Variants in SNTG2 observed in about 807,000 individuals in gnomAD.
The protein encoded by SNTG2 is gamma-2-syntrophin.
A neutral mutation model predicts 70.9 loss-of-function variants in SNTG2; 74 were observed. That is an observed-to-expected ratio of 1.04 (90% confidence interval 0.86 to 1.27). SNTG2 has a LOEUF of 1.27. Ranked by LOEUF, SNTG2 falls within the 50% of genes most tolerant of loss-of-function variation. The probability of loss-of-function intolerance (pLI) is 0.00; values close to 1 mark genes in which losing one functional copy is unlikely to be tolerated. For synonymous variants in SNTG2, 278 were observed against 273.8 expected (o/e 1.02, Z -0.15); for missense variants, 717 against 690.7 (o/e 1.04, Z -0.43).
chr2:1,078,329 T>C (rs1267825195), intron 1 of SNTG2, among the ~76,000 whole-genome samples: 1 of 152,152 alleles, frequency 6.6e-6, no homozygotes, highest in African/African-American at 2.4e-5. Context: ...GGAAGAGGTA[T>C]GAAGAGCAGT....
rs1380497779 is a variant in SNTG2, at chr2:1,367,436, A to G, written c.1582A>G (p.Ser528Gly). Residue 528 changes from serine to glycine, a missense_variant, in exon 17 of 17, where the codon AGT becomes GGT. Transcript: ENST00000308624. ...VASVDPGFMD[S>G]QSLARKYMYS... is the part of the protein sequence containing the mutation. The stretch of plus-strand genomic sequence containing the variant: ...CTCCGTGGACCCCGGCTTCATGGAC[A>G]GTCAGAGTCTTGCCAGAAAATACAT... 3 of 1,551,632 alleles carry G rather than the reference A, an allele frequency of 1.9e-6. No individual in the cohort carries two copies. Among genetic ancestry groups the G allele is most frequent in the Admixed American group, 3.9e-5 (2 of 50,980 alleles).
intron 1 of SNTG2, among the ~76,000 whole-genome samples, chr2:983,049 TGG>T (rs1661167096): frequency 1.3e-5 from 2 of 149,006 alleles, no homozygotes; most frequent in South Asian, 4.3e-4. Flanking sequence ...GCTGCAGAGG[TGG>T]TGTCAGGATG....
chr2:1,252,894 C>T (rs1311399127), intron 12 of SNTG2, among the ~76,000 whole-genome samples: 1 of 152,194 alleles, frequency 6.6e-6, no homozygotes, highest in African/African-American at 2.4e-5. Flanking sequence ...AATAAATTTA[C>T]ATCTAAATAT....
At chr2:1,338,007 A>C (rs185044239) in intron 16 of SNTG2, among the ~76,000 whole-genome samples, 2 of 152,148 alleles carry the variant, frequency 1.3e-5, no homozygotes, top group African/African-American at 4.8e-5. Flanking sequence ...ACAGACTTAC[A>C]TGGCACCACA....
intron 14 of SNTG2, among the ~76,000 whole-genome samples, chr2:1,282,630 C>A (rs1204769819): frequency 6.6e-6 from 1 of 151,936 alleles, no homozygotes; most frequent in African/African-American, 2.4e-5. Context: ...AACGCCGCCT[C>A]CCCCGCACAG....
intron 14 of SNTG2, among the ~76,000 whole-genome samples, chr2:1,269,869 C>G (rs1678928459): frequency 6.6e-6 from 1 of 152,164 alleles, no homozygotes; most frequent in Non-Finnish European, 1.5e-5. Context: ...CCTGCAGAGA[C>G]TGTAAGTGGG....
At chr2:1,263,819 A>G (rs761365286) in intron 13 of SNTG2, among the ~76,000 whole-genome samples, 1 of 152,234 alleles carries the variant, frequency 6.6e-6, no homozygotes, top group Non-Finnish European at 1.5e-5. Context: ...TCACAGCTCA[A>G]AAGTGGAGGC....
At chr2:1,167,980 A>G (rs1334344182) in intron 7 of SNTG2, among the ~76,000 whole-genome samples, 1 of 127,428 alleles carries the variant, frequency 7.8e-6, no homozygotes, top group Non-Finnish European at 1.7e-5. Flanking sequence ...GCAGAACTGA[A>G]GCCTACAGGC....
intron 9 of SNTG2, among the ~76,000 whole-genome samples, chr2:1,216,927 CTCT>C (rs1432400959): frequency 2.0e-5 from 3 of 152,120 alleles, no homozygotes. Flanking sequence ...TCACTCCTCA[CTCT>C]TCTCTCTCCT....
At chr2:1,004,364 A>G (rs995618508) in intron 1 of SNTG2, among the ~76,000 whole-genome samples, 6 of 152,362 alleles carry the variant, frequency 3.9e-5, no homozygotes, top group African/African-American at 1.4e-4. Context: ...TGCAAAAGAC[A>G]TTGTTAAGAT....
rs889533221 is a variant in SNTG2, at chr2:1,356,362, G to T, written c.1489-10981G>T. Among the ~76,000 whole-genome samples the T allele has an allele frequency of 3.9e-5, 6 of 152,138 alleles. No individual in the cohort carries two copies. In the East Asian group the frequency reaches 1.2e-3, roughly 29 times the overall value. On this transcript the variant is annotated intron_variant, in intron 16 of 16. Transcript: ENST00000308624. ...TAATCTATTTTGAGTTGATTTTTCT[G>T]TATGGTGTAAGATAAAGGTCCAATT...
Position 1,360,017 on chromosome 2 carries a change from T to G in SNTG2, c.1489-7326T>G, listed in dbSNP as rs149164394. Among the ~76,000 whole-genome samples, 1,281 of 150,456 alleles carry G rather than the reference T, an allele frequency of 8.5e-3. 17 individuals are homozygous for G. Among genetic ancestry groups the G allele is most frequent in the African/African-American group, 0.029 (1,204 of 40,986 alleles). On this transcript the variant is annotated intron_variant, in intron 16 of 16. Transcript: ENST00000308624. ...GTTATTTATCTTCATTTCTTTACAT[T>G]TAAGGGCACTGAACAAATTCTATCC...
chr2:1,006,808 C>G (rs149918563), intron 1 of SNTG2, among the ~76,000 whole-genome samples: 2 of 152,138 alleles, frequency 1.3e-5, no homozygotes, highest in Non-Finnish European at 2.9e-5. Context: ...GGTGGATCAC[C>G]TGAGGTCAGA....
At chr2:1,072,471 T>C (rs1663642075) in intron 1 of SNTG2, among the ~76,000 whole-genome samples, 2 of 151,000 alleles carry the variant, frequency 1.3e-5, no homozygotes, top group Non-Finnish European at 2.9e-5. Flanking sequence ...CTGTTGACAG[T>C]GTGGTTGACT....
At chr2:993,588 G>A (rs901575144) in intron 1 of SNTG2, among the ~76,000 whole-genome samples, 14 of 152,080 alleles carry the variant, frequency 9.2e-5, no homozygotes, top group Admixed American at 2.0e-4. Flanking sequence ...AAAATCAGTA[G>A]TGTCTCTGAT....
chr2:1,272,684 AGGACACCCCAGGGAGCG>A (rs1679095702), intron 14 of SNTG2, among the ~76,000 whole-genome samples: 1 of 112,562 alleles, frequency 8.9e-6, no homozygotes, highest in African/African-American at 3.7e-5. Flanking sequence ...GGGTGTAGAA[AGGACACCCCAGGGAGCG>A]GGTGCAGAAA....
At chr2:1,023,187 G>T (rs1256496335) in intron 1 of SNTG2, among the ~76,000 whole-genome samples, 2 of 151,754 alleles carry the variant, frequency 1.3e-5, no homozygotes, top group Admixed American at 6.6e-5. Flanking sequence ...CTTGAGGAGA[G>T]AATTAGTCTG....
At chr2:1,196,015 T>C (rs1362132813) in intron 8 of SNTG2, among the ~76,000 whole-genome samples, 1 of 151,900 alleles carries the variant, frequency 6.6e-6, no homozygotes, top group Non-Finnish European at 1.5e-5. Flanking sequence ...GTTTGGAATC[T>C]TTTTTTTGTG....
chr2:1,198,748 A>G (rs765667227), intron 8 of SNTG2, among the ~76,000 whole-genome samples: 9 of 152,140 alleles, frequency 5.9e-5, no homozygotes, highest in East Asian at 5.8e-4. Context: ...ATCAGAGACT[A>G]TTAACCACTA....
Sources: allele counts gnomAD v4.1 joint callset (sites outside exome capture counted in the v4.1 genomes callset), GRCh38; gene constraint gnomAD v4.1.1; transcripts MANE v1.5; gene names NCBI Gene and HGNC (gene_info 2026-07-23, HGNC 2026-07-21).